Variants in ABTB3 observed in about 807,000 individuals in gnomAD.
The protein encoded by ABTB3 is ankyrin repeat and BTB domain containing 3, also known as ankyrin repeat- and BTB/POZ domain-containing protein 3.
At chr12:107,376,742 G>C in the ABTB3 span, among the ~76,000 whole-genome samples, 24 of 151,912 alleles carry the variant, frequency 1.6e-4, 1 homozygote, top group Admixed American at 1.6e-3. Flanking sequence ...TCTGAGTTAT[G>C]TAATAATGAT....
chr12:107,319,011 G>A, the ABTB3 span: 1 of 1,613,764 alleles, frequency 6.2e-7, no homozygotes, highest in Non-Finnish European at 8.5e-7. Context: ...GGTTATGGTG[G>A]CGCGGCGGAC....
the ABTB3 span, among the ~76,000 whole-genome samples, chr12:107,472,102 C>G: frequency 6.6e-6 from 1 of 152,138 alleles, no homozygotes; most frequent in African/African-American, 2.4e-5. Flanking sequence ...CTGAGGGGCT[C>G]TTGTACATGT....
the ABTB3 span, among the ~76,000 whole-genome samples, chr12:107,504,004 T>C: frequency 6.6e-6 from 1 of 152,166 alleles, no homozygotes; most frequent in Admixed American, 6.5e-5. Context: ...TCTTTCTCCT[T>C]GGCTGGATAG....
chr12:107,573,125 C>G, the ABTB3 span, among the ~76,000 whole-genome samples: 1 of 152,200 alleles, frequency 6.6e-6, no homozygotes, highest in East Asian at 1.9e-4. Flanking sequence ...AGCACTGACT[C>G]TATCCATGAG....
At chr12:107,338,826 A>T in the ABTB3 span, among the ~76,000 whole-genome samples, 1 of 152,154 alleles carries the variant, frequency 6.6e-6, no homozygotes, top group Non-Finnish European at 1.5e-5. Context: ...TAACAAATTA[A>T]TTTTTAAGAG....
At chr12:107,566,680 C>CACACACACACACACACACACAA in the ABTB3 span, among the ~76,000 whole-genome samples, 1 of 151,370 alleles carries the variant, frequency 6.6e-6, no homozygotes, top group African/African-American at 2.4e-5. Context: ...CACACACACA[C>CACACACACACACACACACACAA]ACACAAACAT....
the ABTB3 span, among the ~76,000 whole-genome samples, chr12:107,395,527 T>C: frequency 1.3e-5 from 2 of 152,214 alleles, no homozygotes; most frequent in Non-Finnish European, 2.9e-5. Context: ...TTATTGAGCA[T>C]CTACTCTATG....
the ABTB3 span, among the ~76,000 whole-genome samples, chr12:107,605,369 A>T: frequency 3.9e-5 from 6 of 152,354 alleles, 1 homozygote; most frequent in Non-Finnish European, 4.4e-5. Context: ...GCTAACGAGG[A>T]GACAAACAAA....
chr12:107,497,468 C>A, the ABTB3 span, among the ~76,000 whole-genome samples: 1 of 151,360 alleles, frequency 6.6e-6, no homozygotes, highest in South Asian at 2.1e-4. Flanking sequence ...ACAATTATTA[C>A]CACCATCATC....
the ABTB3 span, among the ~76,000 whole-genome samples, chr12:107,456,945 C>T: frequency 1.3e-5 from 2 of 152,026 alleles, no homozygotes; most frequent in Non-Finnish European, 1.5e-5. Context: ...CTGCAGCCTC[C>T]ACCTCTTGGG....
chr12:107,321,150 C>T, the ABTB3 span, among the ~76,000 whole-genome samples: 2 of 152,160 alleles, frequency 1.3e-5, no homozygotes, highest in African/African-American at 2.4e-5. Flanking sequence ...GTTACATATT[C>T]GGCGGTTTGG....
chr12:107,443,553 G>A, the ABTB3 span, among the ~76,000 whole-genome samples: 1 of 152,118 alleles, frequency 6.6e-6, no homozygotes, highest in African/African-American at 2.4e-5. Flanking sequence ...TTAAAGAACA[G>A]CAGGGACAGC....
At chr12:107,412,843 C>G in the ABTB3 span, among the ~76,000 whole-genome samples, 1 of 152,220 alleles carries the variant, frequency 6.6e-6, no homozygotes, top group South Asian at 2.1e-4. Context: ...AGCCCCCAAA[C>G]TCATAGGATC....
chr12:107,642,454 C>A, the ABTB3 span, among the ~76,000 whole-genome samples: 2 of 152,080 alleles, frequency 1.3e-5, no homozygotes, highest in African/African-American at 4.8e-5. Context: ...GGGGCGGGGA[C>A]AGTGACTGAG....
chr12:107,649,883 A>T, the ABTB3 span: 1 of 152,394 alleles, frequency 6.6e-6, no homozygotes, highest in East Asian at 1.9e-4. Context: ...CCGCCTGTCT[A>T]GGAGTCTTGT....
At chr12:107,535,348 C>G in the ABTB3 span, among the ~76,000 whole-genome samples, 1 of 152,108 alleles carries the variant, frequency 6.6e-6, no homozygotes, top group Non-Finnish European at 1.5e-5. Flanking sequence ...AAGCTGAAAG[C>G]CTTTGCCCTA....
At chr12:107,438,695 C>G in the ABTB3 span, among the ~76,000 whole-genome samples, 6 of 152,226 alleles carry the variant, frequency 3.9e-5, no homozygotes, top group East Asian at 1.9e-4. Context: ...CTCACTCCCC[C>G]TCTCAGGTTC....
At chr12:107,556,641 T>C in the ABTB3 span, among the ~76,000 whole-genome samples, 2 of 152,244 alleles carry the variant, frequency 1.3e-5, no homozygotes, top group Non-Finnish European at 2.9e-5. Flanking sequence ...CTTGCCTTAA[T>C]GTACATCGCC....
At chr12:107,541,319 AC>A in the ABTB3 span, among the ~76,000 whole-genome samples, 4 of 152,094 alleles carry the variant, frequency 2.6e-5, no homozygotes, top group Non-Finnish European at 4.4e-5. Context: ...GATCTAAAGG[AC>A]TGGTTTCAGC....
Sources: allele counts gnomAD v4.1 joint callset (sites outside exome capture counted in the v4.1 genomes callset), GRCh38; gene constraint gnomAD v4.1.1; transcripts MANE v1.5; gene names NCBI Gene and HGNC (gene_info 2026-07-23, HGNC 2026-07-21).